The following STK39 variants were observed in gnomAD, a reference collection of about 807,000 sequenced individuals.
STK39 encodes STE20/SPS1-related proline-alanine-rich protein kinase.
Under a neutral mutation model 77.8 loss-of-function variants are expected in STK39, and 20 were observed. The observed-to-expected ratio is 0.26, with a 90% CI of 0.18 to 0.37. STK39 has a LOEUF of 0.37. Among genes scored for constraint, STK39 ranks in the 10% least tolerant of loss-of-function variants. The pLI, the probability that STK39 is intolerant of heterozygous loss-of-function variation, is 1.00. For synonymous variants in STK39, 246 were observed against 234.1 expected, an observed-to-expected ratio of 1.05 and a Z score of -0.47; for missense variants, 479 against 656.5, an observed-to-expected ratio of 0.73 and a Z score of 2.95.
intron 1 of STK39, among the ~76,000 whole-genome samples, chr2:168,240,674 A>G (rs1227698829): frequency 1.3e-5 from 2 of 152,248 alleles, no homozygotes; most frequent in East Asian, 3.8e-4. Context: ...TGGAGAGACA[A>G]TGAGTTTAAC....
At chr2:167,969,074 C>G (rs1692246407) in intron 16 of STK39, among the ~76,000 whole-genome samples, 1 of 152,148 alleles carries the variant, frequency 6.6e-6, no homozygotes. Context: ...CTGCACAAGG[C>G]CATGCATTGG....
At chr2:168,087,062 G>C (rs552489553) in intron 10 of STK39, among the ~76,000 whole-genome samples, 5 of 152,200 alleles carry the variant, frequency 3.3e-5, no homozygotes, top group Admixed American at 6.5e-5. Flanking sequence ...TAAAGAGAAC[G>C]ATAGGAACAC....
At chr2:168,198,858 G>C (rs938333686) in intron 1 of STK39, among the ~76,000 whole-genome samples, 3 of 152,234 alleles carry the variant, frequency 2.0e-5, no homozygotes, top group Non-Finnish European at 4.4e-5. Flanking sequence ...ACATGTTTGA[G>C]TAAATTTAGA....
At chr2:168,066,414 G>A (rs764000867) in intron 12 of STK39, among the ~76,000 whole-genome samples, 2 of 152,192 alleles carry the variant, frequency 1.3e-5, no homozygotes, top group African/African-American at 2.4e-5. Context: ...ACGATAAGAT[G>A]TTAGGGGAAA....
intron 14 of STK39, among the ~76,000 whole-genome samples, chr2:168,054,178 C>T (rs922575422): frequency 1.3e-5 from 2 of 152,156 alleles, no homozygotes; most frequent in Admixed American, 1.3e-4. Context: ...GTAACAATCC[C>T]TAAAGTACAG....
At chr2:168,068,641 A>T (rs1685859371) in intron 12 of STK39, among the ~76,000 whole-genome samples, 1 of 152,234 alleles carries the variant, frequency 6.6e-6, no homozygotes, top group African/African-American at 2.4e-5. Context: ...AATTATTCCA[A>T]AATCAAAAGT....
At chr2:168,047,357 C>A (rs1221275285) in intron 14 of STK39, among the ~76,000 whole-genome samples, 1 of 152,154 alleles carries the variant, frequency 6.6e-6, no homozygotes, top group Non-Finnish European at 1.5e-5. Context: ...CTTTAGAGGC[C>A]TAATAATTCA....
intron 14 of STK39, 74 bp from the exon 15 acceptor site, chr2:168,017,169 T>C (rs756880314): frequency 3.0e-5 from 31 of 1,021,394 alleles, no homozygotes; most frequent in Non-Finnish European, 4.4e-5. Flanking sequence ...ATTCAGATTT[T>C]CACAAGATGC....
At chr2:168,000,245 AG>A (rs1559051249) in intron 16 of STK39, among the ~76,000 whole-genome samples, 1 of 152,254 alleles carries the variant, frequency 6.6e-6, no homozygotes, top group African/African-American at 2.4e-5. Context: ...CTAAGTGCAG[AG>A]TTCTATATTT....
intron 1 of STK39, among the ~76,000 whole-genome samples, chr2:168,208,825 T>C (rs914746559): frequency 6.6e-6 from 1 of 152,156 alleles, no homozygotes; most frequent in Admixed American, 6.5e-5. Flanking sequence ...CTGCTAGAGA[T>C]AACAGAGGAT....
At chr2:168,137,131 C>A (rs990398030) in intron 8 of STK39, among the ~76,000 whole-genome samples, 3 of 152,144 alleles carry the variant, frequency 2.0e-5, no homozygotes, top group African/African-American at 7.2e-5. Context: ...AAAGGCTTAA[C>A]AAGTTTCATA....
At chr2:168,166,889 G>A (rs1367977799) in intron 3 of STK39, among the ~76,000 whole-genome samples, 6 of 152,104 alleles carry the variant, frequency 3.9e-5, no homozygotes, top group African/African-American at 1.4e-4. Flanking sequence ...AAGGAGAAAG[G>A]ACTGGCTAAC....
intron 10 of STK39, among the ~76,000 whole-genome samples, chr2:168,125,690 T>A (rs1427943882): frequency 6.6e-6 from 1 of 152,078 alleles, no homozygotes. Context: ...AAAATAAATA[T>A]CCTCAGTTTC....
chr2:168,038,572 A>C (rs1685018112), intron 14 of STK39, among the ~76,000 whole-genome samples: 1 of 152,106 alleles, frequency 6.6e-6, no homozygotes, highest in African/African-American at 2.4e-5. Context: ...AGATACTTTA[A>C]ATTTTTTATC....
At chr2:167,967,534 G>T (rs1424412006) in intron 16 of STK39, among the ~76,000 whole-genome samples, 8 of 151,370 alleles carry the variant, frequency 5.3e-5, no homozygotes, top group Non-Finnish European at 1.0e-4. Flanking sequence ...TTTTGTTTTG[G>T]AGAACATTTG....
At chr2:168,098,536 C>T (rs1038376828) in intron 10 of STK39, among the ~76,000 whole-genome samples, 2 of 152,122 alleles carry the variant, frequency 1.3e-5, no homozygotes, top group Admixed American at 6.5e-5. Context: ...AATAAGCATC[C>T]GTGACACCCT....
intron 16 of STK39, among the ~76,000 whole-genome samples, chr2:168,001,356 G>A (rs893837157): frequency 1.3e-5 from 2 of 151,712 alleles, no homozygotes; most frequent in Admixed American, 6.6e-5. Flanking sequence ...CTGATGACAA[G>A]GACAAGTTTC....
chr2:168,167,558 A>AG, intron 2 of STK39, 151 bp from the exon 3 acceptor site: 1 of 633,580 alleles, frequency 1.6e-6, no homozygotes, highest in African/African-American at 1.8e-5. Flanking sequence ...AAGGTATATA[A>AG]GGACCAATTC....
At position 168,218,344 on chromosome 2, in the gene STK39, G is replaced by A. The variant is rs150891598; in HGVS notation, c.208+28884C>T. Among the ~76,000 whole-genome samples, 174 of 152,300 alleles carry A rather than the reference G, an allele frequency of 1.1e-3. 1 individual carries two copies. Among genetic ancestry groups the A allele is most frequent in the African/African-American group, 3.9e-3 (161 of 41,552 alleles). ...AAAATTCCCCAAAAGAATATCTTGG[G>A]AAAGTTCACTTTCGCAGTGTTCAAC... On this transcript the variant is annotated intron_variant, in intron 1 of 17. Coordinates refer to ENST00000355999, the MANE Select transcript of STK39 (RefSeq NM_013233.3).
Sources: allele counts gnomAD v4.1 joint callset (sites outside exome capture counted in the v4.1 genomes callset), GRCh38; gene constraint gnomAD v4.1.1; transcripts MANE v1.5; gene names NCBI Gene and HGNC (gene_info 2026-07-23, HGNC 2026-07-21).